The following HENMT1 variants were observed in gnomAD, a reference collection of about 807,000 sequenced individuals.
HENMT1 encodes small RNA 2'-O-methyltransferase.
A neutral mutation model predicts 31.1 loss-of-function variants in HENMT1; 27 were observed. The observed-to-expected ratio is 0.87, with a 90% CI of 0.64 to 1.20. The LOEUF is 1.20. HENMT1 is among the 50% of genes most tolerant of loss of function. The pLI, the probability that HENMT1 is intolerant of heterozygous loss-of-function variation, is 0.00. For synonymous variants in HENMT1, 167 were observed against 172.2 expected (o/e 0.97, Z 0.24); for missense variants, 438 against 469.6 (o/e 0.93, Z 0.62).
intron 2 of HENMT1, among the ~76,000 whole-genome samples, chr1:108,658,881 CAGT>C (rs1386963946): frequency 6.6e-6 from 1 of 152,084 alleles, no homozygotes; most frequent in Non-Finnish European, 1.5e-5. Flanking sequence ...TCCTATACAG[CAGT>C]ATTATAAAAG....
At chr1:108,649,323 A>G in intron 7 of HENMT1, 1 of 473,180 alleles carries the variant, frequency 2.1e-6, no homozygotes, top group Middle Eastern at 3.2e-4. Context: ...AAACGTGGGT[A>G]AGTGCAGTGA....
chr1:108,659,859 A>G lies in HENMT1; in HGVS notation c.21+5T>C, dbSNP rs369346704. Reference sequence around the variant, plus strand: ...CAAAGACGCAGCTAAGAAGGGTGGCATTACCTGTAGATTATTTTCTTCCAT... The same window carrying G: ...CAAAGACGCAGCTAAGAAGGGTGGCGTTACCTGTAGATTATTTTCTTCCAT... On this transcript the variant is annotated splice_donor_5th_base_variant and intron_variant, in intron 2 of 7. Coordinates refer to ENST00000651461, the MANE Select transcript of HENMT1 (RefSeq NM_001102592.2). The G allele has an allele frequency of 5.2e-6, 8 of 1,545,710 alleles. No homozygotes were observed. The highest frequency in any genetic ancestry group is 7.1e-6 in the Non-Finnish European group (8 of 1,125,642).
At chr1:108,651,776 GA>G (rs905688853) in intron 5 of HENMT1, among the ~76,000 whole-genome samples, 2 of 151,844 alleles carry the variant, frequency 1.3e-5, no homozygotes, top group South Asian at 2.1e-4. Flanking sequence ...GGGGGAAAAA[GA>G]ACAATTATTC....
chr1:108,654,186 G>A (rs1292537291), intron 5 of HENMT1, among the ~76,000 whole-genome samples: 1 of 152,016 alleles, frequency 6.6e-6, no homozygotes, highest in Admixed American at 6.6e-5. Context: ...GAAATCAGTT[G>A]GCTGTAAATG....
intron 3 of HENMT1, among the ~76,000 whole-genome samples, chr1:108,655,940 C>G (rs111894630): frequency 0.027 from 4,052 of 151,414 alleles, 205 homozygotes; most frequent in African/African-American, 0.094. Context: ...TTTGATCACA[C>G]TAAAATAGAA....
chr1:108,653,291 C>T (rs1204118221), intron 5 of HENMT1, among the ~76,000 whole-genome samples: 1 of 152,190 alleles, frequency 6.6e-6, no homozygotes, highest in East Asian at 1.9e-4. Flanking sequence ...GCTGGGATTA[C>T]AGGCGTGAGC....
Position 108,658,992 on chromosome 1 carries a change from G to T in HENMT1, c.21+872C>A, listed in dbSNP as rs75335249. Reference sequence around the variant, plus strand: ...AGCCCAAGAATTGGAATTATAATCGGAATTAGAATATTTAAACCAATATAT... The same window carrying T: ...AGCCCAAGAATTGGAATTATAATCGTAATTAGAATATTTAAACCAATATAT... On this transcript the variant is annotated intron_variant, in intron 2 of 7. Transcript: ENST00000651461. Among the ~76,000 whole-genome samples, 49 of 152,240 alleles carry T rather than the reference G, an allele frequency of 3.2e-4. No individual in the cohort carries two copies. In the East Asian group the frequency reaches 8.9e-3, roughly 28 times the overall value.
chr1:108,655,424 C>T (rs771992009), intron 4 of HENMT1, among the ~76,000 whole-genome samples, 162 bp downstream of exon 4: 28 of 152,142 alleles, frequency 1.8e-4, no homozygotes, highest in African/African-American at 6.5e-4. Context: ...CAATAAAATG[C>T]AGGTATTTTT....
chr1:108,651,369 G>A, intron 5 of HENMT1, 160 bp from the exon 6 acceptor site: 1 of 641,492 alleles, frequency 1.6e-6, no homozygotes, highest in Non-Finnish European at 2.6e-6. Flanking sequence ...TTCGGGCCAG[G>A]CACAGTGGCT....
chr1:108,654,141 T>C (rs1488912877), intron 5 of HENMT1, among the ~76,000 whole-genome samples: 1 of 152,182 alleles, frequency 6.6e-6, no homozygotes, highest in Non-Finnish European at 1.5e-5. Flanking sequence ...GAGGAGGGTG[T>C]CCTTTTGCCA....
chr1:108,657,460 C>G lies in HENMT1; in HGVS notation c.141G>C (p.Glu47Asp). 6.2e-7 allele frequency: 1 copy of G among 1,605,554 alleles called. No individual in the cohort carries two copies. The highest frequency in any genetic ancestry group is 8.5e-7 in the Non-Finnish European group (1 of 1,172,996). The change falls in exon 3 of 8, where the codon GAG (glutamate) becomes GAC (aspartate). Residue 47 changes from glutamate to aspartate, a missense_variant. Coordinates refer to ENST00000651461, the MANE Select transcript of HENMT1 (RefSeq NM_001102592.2). ...QFVKNLVDQH[E>D]PKKVADLGCG... ...AAAGAGAAATACCTACCTTCTTAGG[C>G]TCATGTTGATCCACTAAATTTTTAA...
chr1:108,659,762 G>A (rs969344932), intron 2 of HENMT1, 102 bp downstream of exon 2: 1 of 712,070 alleles, frequency 1.4e-6, no homozygotes, highest in Admixed American at 2.6e-5. Flanking sequence ...CCCGGGAAAT[G>A]CTAGGACCTA....
rs763576671 is a variant in HENMT1, at chr1:108,648,769, C to G, written c.979G>C (p.Glu327Gln). 6 of 1,614,196 alleles carry G rather than the reference C, an allele frequency of 3.7e-6. No individual in the cohort carries two copies. The South Asian group carries it at 6.6e-5, about 18-fold the overall frequency. ...ACACAGAAGGGTGTGGGAGAGTTCT[C>G]TATCTTGGCCTTCTCAACCTCTGTG... ...VFTEVEKAKI[E>Q]NSPTPFCVGD... is the part of the protein sequence containing the mutation. The change falls in exon 8 of 8, where the codon GAG becomes CAG. Residue 327 changes from glutamate (E) to glutamine (Q), a missense_variant. Glu to Gln is a conservative substitution (Grantham distance 29). Transcript: ENST00000651461.
chr1:108,653,315 C>T (rs1658114298), intron 5 of HENMT1, among the ~76,000 whole-genome samples: 1 of 152,120 alleles, frequency 6.6e-6, no homozygotes, highest in Non-Finnish European at 1.5e-5. Context: ...CATGCCCAGC[C>T]TAAATACCAC....
chr1:108,657,301 G>T, intron 3 of HENMT1, 150 bp downstream of exon 3: 1 of 549,824 alleles, frequency 1.8e-6, no homozygotes, highest in Non-Finnish European at 3.2e-6. Flanking sequence ...CTTAACTCTT[G>T]AGACACCTGC....
intron 2 of HENMT1, among the ~76,000 whole-genome samples, chr1:108,658,061 A>G (rs1557742078): frequency 1.2e-5 from 1 of 82,962 alleles, no homozygotes; most frequent in Non-Finnish European, 2.4e-5. Flanking sequence ...ACACACACAC[A>G]TATATATGTA....
At chr1:108,657,731 G>A (rs1168410022) in intron 2 of HENMT1, 152 bp from the exon 3 acceptor site, 5 of 692,236 alleles carry the variant, frequency 7.2e-6, no homozygotes, top group Non-Finnish European at 1.2e-5. Flanking sequence ...TCATTAGGTA[G>A]CACTGCATTT....
intron 1 of HENMT1, among the ~76,000 whole-genome samples, 176 bp from the exon 2 acceptor site, chr1:108,660,138 A>C (rs1658402816): frequency 6.7e-6 from 1 of 149,362 alleles, no homozygotes; most frequent in African/African-American, 2.5e-5. Flanking sequence ...AAAAAAAAAA[A>C]CACGAAAGCA....
At chr1:108,659,731 C>T in intron 2 of HENMT1, 133 bp downstream of exon 2, 2 of 609,336 alleles carry the variant, frequency 3.3e-6, no homozygotes, top group Non-Finnish European at 5.9e-6. Flanking sequence ...TATGTATACC[C>T]TTGTTTACCT....
Sources: gnomAD v4.1 joint callset for allele counts (sites outside exome capture counted in the v4.1 genomes callset) on GRCh38, gnomAD v4.1.1 for gene constraint, MANE v1.5 for transcripts, NCBI Gene and HGNC (gene_info 2026-07-23, HGNC 2026-07-21) for gene names.